The following HACE1 variants were observed in gnomAD, a reference collection of about 807,000 sequenced individuals.
The protein encoded by HACE1 is HECT domain and ankyrin repeat containing E3 ubiquitin protein ligase 1.
HACE1 carries 73 observed loss-of-function variants against 118.4 expected under a neutral mutation model. That is an observed-to-expected ratio of 0.62 (90% CI 0.51 to 0.75). HACE1 has a LOEUF of 0.75. Among genes scored for constraint, HACE1 ranks in the 30% least tolerant of loss-of-function variants. The pLI is 0.00. For missense variants in HACE1, 749 were observed against 1,102.2 expected, an observed-to-expected ratio of 0.68 and a Z score of 4.54; for synonymous variants, 368 against 374.8, an observed-to-expected ratio of 0.98 and a Z score of 0.21.
intron 5 of HACE1, among the ~76,000 whole-genome samples, chr6:104,834,243 C>A (rs146640330): frequency 5.3e-4 from 80 of 152,184 alleles, no homozygotes; most frequent in Non-Finnish European, 7.1e-4. Flanking sequence ...CTCAGATAAT[C>A]CTGGACTCTA....
intron 19 of HACE1, among the ~76,000 whole-genome samples, chr6:104,766,651 G>T (rs561692277): frequency 6.6e-6 from 1 of 152,196 alleles, no homozygotes; most frequent in Non-Finnish European, 1.5e-5. Flanking sequence ...TACTAAATTT[G>T]TATTTGCTAC....
intron 6 of HACE1, among the ~76,000 whole-genome samples, chr6:104,826,399 C>T (rs1016556151): frequency 3.9e-5 from 6 of 152,176 alleles, no homozygotes; most frequent in African/African-American, 1.4e-4. Context: ...AGATGGTGAT[C>T]AGTGCTATCC....
intron 22 of HACE1, among the ~76,000 whole-genome samples, chr6:104,743,517 C>G (rs1353884593): frequency 6.6e-6 from 1 of 151,778 alleles, no homozygotes; most frequent in East Asian, 1.9e-4. Flanking sequence ...AAAAACCAAA[C>G]TACATTTTCA....
Position 104,776,787 on chromosome 6 carries a change from AT to A in HACE1, c.1817del (p.Asn606MetfsTer3). On this transcript the variant is annotated frameshift_variant, in exon 17 of 24. Transcript: ENST00000262903. LOFTEE classifies it high-confidence loss of function. ...VVREWFDILSNEIVNPDYALF... is the reference protein window; with the variant it reads ...VVREWFDILSXEIVNPDYALF... ...ATGCATAATCAGGATTGACTATCTCATTGGACAGAATATCAAACCACTCACG... is the reference window on the plus strand; with the variant it reads ...ATGCATAATCAGGATTGACTATCTCATGGACAGAATATCAAACCACTCACG... 1 of 1,610,400 alleles carries A rather than the reference AT, an allele frequency of 6.2e-7. No individual in the cohort carries two copies. Among genetic ancestry groups the A allele is most frequent in the South Asian group, 1.1e-5 (1 of 91,002 alleles).
intron 14 of HACE1, among the ~76,000 whole-genome samples, chr6:104,783,634 C>T (rs1356110629): frequency 6.6e-6 from 1 of 152,148 alleles, no homozygotes; most frequent in Non-Finnish European, 1.5e-5. Context: ...AGGTACACAT[C>T]TGGTAGGGGA....
At chr6:104,756,411 C>CAAAAAAA (rs149270056) in intron 19 of HACE1, among the ~76,000 whole-genome samples, 2 of 103,450 alleles carry the variant, frequency 1.9e-5, no homozygotes, top group African/African-American at 7.4e-5. Context: ...GATTCCATCT[C>CAAAAAAA]AAAAAAAAAA....
intron 19 of HACE1, among the ~76,000 whole-genome samples, chr6:104,750,882 A>C (rs1777967896): frequency 6.6e-6 from 1 of 152,158 alleles, no homozygotes; most frequent in Non-Finnish European, 1.5e-5. Flanking sequence ...AAAAATATAT[A>C]TATGTGTATA....
chr6:104,838,890 TAAAAAAAAAAAA>T (rs71003448), intron 5 of HACE1, among the ~76,000 whole-genome samples: 3 of 58,858 alleles, frequency 5.1e-5, no homozygotes, highest in East Asian at 1.8e-3. Context: ...AACTCCATAG[TAAAAAAAAAAAA>T]AAAAAAAAAA....
At position 104,777,258 on chromosome 6, in the gene HACE1, T is replaced by C. The variant is rs371849825; in HGVS notation, c.1626A>G (p.Ser542=). 1.2e-4 allele frequency: 188 copies of C among 1,613,734 alleles called. 1 individual carries two copies. Among genetic ancestry groups the C allele is most frequent in the Non-Finnish European group, 1.6e-4 (183 of 1,179,708 alleles). ...YEHLHSGQPD[S]DMVHRPVNEN... ...CATTCACTGGCCTGTGCACCATATC[T>C]GAATCTGGCTGTCCTGAATGCAAAT... is the stretch of plus-strand genomic sequence containing the variant. The change falls in exon 15 of 24, where the codon TCA becomes TCG. Residue 542 remains serine (S), a synonymous_variant. Transcript: ENST00000262903.
intron 22 of HACE1, among the ~76,000 whole-genome samples, chr6:104,737,303 A>AAG (rs1775980595): frequency 1.3e-5 from 2 of 151,200 alleles, no homozygotes; most frequent in Non-Finnish European, 3.0e-5. Context: ...AAAAAAAAAA[A>AAG]AAAAGAAAAT....
intron 21 of HACE1, 28 bp downstream of exon 21, chr6:104,744,484 T>C: frequency 8.1e-7 from 1 of 1,239,992 alleles, no homozygotes; most frequent in Non-Finnish European, 1.2e-6. Context: ...AAAACTTAAC[T>C]TCATTCTAAG....
In HACE1 at chr6:104,742,131, T is replaced by C. The variant is rs76382275; in HGVS notation, c.2513+2029A>G. Among the ~76,000 whole-genome samples the C allele has an allele frequency of 7.0e-3, 801 of 114,478 alleles. 2 individuals are homozygous for C. The highest frequency in any genetic ancestry group is 8.7e-3 in the African/African-American group (232 of 26,670). 75.1% of individuals were successfully genotyped at this position (114,478 alleles called of 152,430 possible). On this transcript the variant is annotated intron_variant, in intron 22 of 23. Coordinates refer to ENST00000262903, the MANE Select transcript of HACE1 (RefSeq NM_020771.4). Reference sequence around the variant, plus strand: ...ATATGTAGAAAGCTGAAACTGGATCTCTTCCTTACACCTTATACAAAAATC... The same window carrying C: ...ATATGTAGAAAGCTGAAACTGGATCCCTTCCTTACACCTTATACAAAAATC...
At chr6:104,780,727 C>G (rs1467817350) in intron 14 of HACE1, among the ~76,000 whole-genome samples, 1 of 152,166 alleles carries the variant, frequency 6.6e-6, no homozygotes, top group African/African-American at 2.4e-5. Context: ...TCTGATAACA[C>G]TACTACATCA....
intron 20 of HACE1, among the ~76,000 whole-genome samples, chr6:104,750,075 C>T (rs951104453): frequency 6.6e-6 from 1 of 151,998 alleles, no homozygotes; most frequent in African/African-American, 2.4e-5. Context: ...CAACATCTCC[C>T]ATATAGAAGA....
chr6:104,803,738 A>G (rs1770667860), intron 7 of HACE1, among the ~76,000 whole-genome samples: 1 of 152,196 alleles, frequency 6.6e-6, no homozygotes, highest in Non-Finnish European at 1.5e-5. Context: ...GCTATTTATG[A>G]CAAACCCACA....
At chr6:104,776,363 A>G (rs1353774436) in intron 17 of HACE1, among the ~76,000 whole-genome samples, 1 of 152,258 alleles carries the variant, frequency 6.6e-6, no homozygotes, top group Non-Finnish European at 1.5e-5. Context: ...TACAAGCACC[A>G]TTAATTTATG....
At chr6:104,794,532 T>C (rs922257188) in intron 10 of HACE1, among the ~76,000 whole-genome samples, 6 of 152,240 alleles carry the variant, frequency 3.9e-5, no homozygotes, top group African/African-American at 9.6e-5. Flanking sequence ...CTGATTAGAC[T>C]GTAATTTCAA....
At position 104,832,411 on chromosome 6, in the gene HACE1, T is replaced by G. The variant is rs181364114; in HGVS notation, c.534+631A>C. On this transcript the variant is annotated intron_variant, in intron 6 of 23. Transcript: ENST00000262903. Reference sequence around the variant, plus strand: ...TGTTGTTGTTGTTGTTGTTGTTGTTTGATACAGGCTCTCACTCTGTCACCC... The same window carrying G: ...TGTTGTTGTTGTTGTTGTTGTTGTTGGATACAGGCTCTCACTCTGTCACCC... Among the ~76,000 whole-genome samples the G allele has an allele frequency of 2.9e-3, 434 of 152,008 alleles. 1 individual carries two copies. Among genetic ancestry groups the G allele is most frequent in the Non-Finnish European group, 5.7e-3 (389 of 67,932 alleles).
At chr6:104,771,680 G>T (rs1780613370) in intron 18 of HACE1, among the ~76,000 whole-genome samples, 1 of 127,400 alleles carries the variant, frequency 7.8e-6, no homozygotes. Flanking sequence ...TGTATTCTTA[G>T]CATAAAAATA....
Sources: gnomAD v4.1 joint callset for allele counts (sites outside exome capture counted in the v4.1 genomes callset) on GRCh38, gnomAD v4.1.1 for gene constraint, MANE v1.5 for transcripts, NCBI Gene and HGNC (gene_info 2026-07-23, HGNC 2026-07-21) for gene names.